Variants in MEGF11 observed in about 807,000 individuals in gnomAD.
MEGF11 encodes multiple epidermal growth factor-like domains protein 11.
MEGF11 carries 126 observed loss-of-function variants against 146.6 expected under a neutral mutation model. That is an observed-to-expected ratio of 0.86 (90% confidence interval 0.74 to 1.00). MEGF11 has a LOEUF of 1.00. Among genes scored for constraint, MEGF11 ranks in the 50% least tolerant of loss-of-function variants. The pLI is 0.00. For missense variants in MEGF11, 1,509 were observed against 1,521.2 expected, an observed-to-expected ratio of 0.99 and a Z score of 0.13; for synonymous variants, 532 against 583.4, an observed-to-expected ratio of 0.91 and a Z score of 1.27.
chr15:66,189,875 A>G (rs1329609145), intron 1 of MEGF11, among the ~76,000 whole-genome samples: 5 of 152,082 alleles, frequency 3.3e-5, no homozygotes, highest in African/African-American at 1.2e-4. Flanking sequence ...TATTCTTCTC[A>G]GGAGGCTGAA....
chr15:65,898,456 C>T (rs773220429), intron 25 of MEGF11: 31 of 984,432 alleles, frequency 3.1e-5, no homozygotes, highest in East Asian at 1.1e-4. Flanking sequence ...TGTGTGTGTG[C>T]GCGCGTGCAC....
At chr15:65,972,732 C>T (rs2081333185) in intron 7 of MEGF11, among the ~76,000 whole-genome samples, 1 of 152,186 alleles carries the variant, frequency 6.6e-6, no homozygotes. Context: ...GTAGGGGACT[C>T]AGTAAAGACA....
chr15:66,041,902 T>C (rs1374696485), intron 5 of MEGF11, among the ~76,000 whole-genome samples: 1 of 152,098 alleles, frequency 6.6e-6, no homozygotes, highest in Non-Finnish European at 1.5e-5. Flanking sequence ...AGCTGGGATC[T>C]AAACCAGGGT....
intron 5 of MEGF11, among the ~76,000 whole-genome samples, chr15:66,008,177 T>C (rs2082577449): frequency 6.6e-6 from 1 of 152,152 alleles, no homozygotes; most frequent in Non-Finnish European, 1.5e-5. Context: ...GGGAACCCTG[T>C]CTTCTAGTGA....
intron 5 of MEGF11, among the ~76,000 whole-genome samples, chr15:66,018,625 G>T (rs1411900612): frequency 6.6e-6 from 1 of 152,134 alleles, no homozygotes; most frequent in African/African-American, 2.4e-5. Context: ...GTGAGCGCAT[G>T]TGTGAGTGTG....
intron 5 of MEGF11, among the ~76,000 whole-genome samples, chr15:66,039,961 T>G (rs1400514694): frequency 7.1e-4 from 84 of 118,396 alleles, no homozygotes; most frequent in African/African-American, 2.5e-3. Flanking sequence ...CTGAGCCGGG[T>G]CAGGCGGCGG....
chr15:65,940,971 A>C (rs77313576), intron 10 of MEGF11, among the ~76,000 whole-genome samples: 1,942 of 152,364 alleles, frequency 0.013, 25 homozygotes, highest in Non-Finnish European at 0.02. Context: ...ATATTACATC[A>C]GTTTTCTGGC....
intron 10 of MEGF11, among the ~76,000 whole-genome samples, chr15:65,956,705 GAAAC>G (rs2080651932): frequency 6.6e-6 from 1 of 152,166 alleles, no homozygotes; most frequent in Admixed American, 6.5e-5. Context: ...AAGTTCCCCA[GAAAC>G]AAACCTCATA....
In MEGF11 at chr15:66,008,252, T is replaced by C. The variant is rs2082579886; in HGVS notation, c.395-25764A>G. 3.3e-5 allele frequency among the ~76,000 whole-genome samples: 5 copies of C among 152,164 alleles called. No individual in the cohort carries two copies. The South Asian group carries it at 1.0e-3, about 32-fold the overall frequency. ...AGAGATGTTGTAGTTGAAGCAGAGA[T>C]AGGAGTCAGGAAGGGGTCCCTGAGT... On this transcript the variant is annotated intron_variant, in intron 5 of 25. Coordinates refer to ENST00000395614, the MANE Select transcript of MEGF11 (RefSeq NM_001385028.1).
At chr15:65,905,175 G>A (rs893154015) in intron 24 of MEGF11, 5 of 152,290 alleles carry the variant, frequency 3.3e-5, no homozygotes, top group Admixed American at 6.5e-5. Flanking sequence ...TCACAGGTGT[G>A]AGCCACTGTG....
chr15:66,085,157 A>G (rs1320665080), intron 5 of MEGF11, among the ~76,000 whole-genome samples: 1 of 152,132 alleles, frequency 6.6e-6, no homozygotes, highest in African/African-American at 2.4e-5. Context: ...CATCCCCCAC[A>G]GTAGCCGCAG....
intron 1 of MEGF11, among the ~76,000 whole-genome samples, chr15:66,212,208 G>A (rs1567285748): frequency 6.6e-6 from 1 of 152,048 alleles, no homozygotes; most frequent in Non-Finnish European, 1.5e-5. Flanking sequence ...AGGGCAACAA[G>A]GGACGGGTGT....
At chr15:65,958,215 C>T (rs987078250) in intron 9 of MEGF11, among the ~76,000 whole-genome samples, 8 of 152,260 alleles carry the variant, frequency 5.3e-5, no homozygotes, top group African/African-American at 1.7e-4. Context: ...GAAAACAAGA[C>T]TTTGGGCCAG....
intron 20 of MEGF11, among the ~76,000 whole-genome samples, chr15:65,912,796 C>T (rs1242809766): frequency 6.6e-6 from 1 of 152,246 alleles, no homozygotes; most frequent in African/African-American, 2.4e-5. Context: ...ACTGGCCTGC[C>T]TCTGTCTATC....
At chr15:66,018,676 C>CAA (rs112285672) in intron 5 of MEGF11, among the ~76,000 whole-genome samples, 1 of 151,268 alleles carries the variant, frequency 6.6e-6, no homozygotes, top group African/African-American at 2.4e-5. Context: ...AGGGTGTCTG[C>CAA]GTGTGCAAGT....
chr15:66,156,515 G>A (rs2089763328), intron 1 of MEGF11, among the ~76,000 whole-genome samples: 1 of 152,038 alleles, frequency 6.6e-6, no homozygotes, highest in African/African-American at 2.4e-5. Context: ...TGGTGGCCCT[G>A]TGCTCGGCCA....
intron 8 of MEGF11, among the ~76,000 whole-genome samples, chr15:65,969,732 A>G (rs1292509800): frequency 6.6e-6 from 1 of 152,088 alleles, no homozygotes; most frequent in Non-Finnish European, 1.5e-5. Context: ...TTTGTCTGAG[A>G]AGAGTATAAA....
At chr15:66,025,274 CA>C (rs2083288717) in intron 5 of MEGF11, among the ~76,000 whole-genome samples, 1 of 152,192 alleles carries the variant, frequency 6.6e-6, no homozygotes, top group South Asian at 2.1e-4. Context: ...CTGCTGCTGG[CA>C]GCCACCCAAG....
chr15:66,177,558 C>T (rs969703286), intron 1 of MEGF11, among the ~76,000 whole-genome samples: 23 of 152,028 alleles, frequency 1.5e-4, no homozygotes, highest in African/African-American at 5.1e-4. Context: ...AAATTAGTAA[C>T]GGCTGTTTTT....
Sources: gnomAD v4.1 joint callset for allele counts (sites outside exome capture counted in the v4.1 genomes callset) on GRCh38, gnomAD v4.1.1 for gene constraint, MANE v1.5 for transcripts, NCBI Gene and HGNC (gene_info 2026-07-23, HGNC 2026-07-21) for gene names.